Variants in PEPD observed in about 807,000 individuals in gnomAD.
PEPD encodes xaa-Pro dipeptidase.
In PEPD, 53 loss-of-function variants were observed where a neutral mutation model predicts 60.7. That is an observed-to-expected ratio of 0.87 (90% CI 0.70 to 1.10). PEPD has a LOEUF of 1.10. Ranked by LOEUF, PEPD falls within the 50% of genes least tolerant of loss-of-function variation. The pLI, the probability that PEPD is intolerant of heterozygous loss-of-function variation, is 0.00. For synonymous variants in PEPD, 267 were observed against 284.1 expected (o/e 0.94, Z 0.60); for missense variants, 711 against 711.9 (o/e 1.00, Z 0.01).
At chr19:33,414,987 G>A (rs534013856) in intron 9 of PEPD, among the ~76,000 whole-genome samples, 2 of 152,300 alleles carry the variant, frequency 1.3e-5, no homozygotes, top group African/African-American at 2.4e-5. Flanking sequence ...GAGTCTCAGC[G>A]CTGAGTTTCG....
chr19:33,495,200 C>T lies in PEPD; in HGVS notation c.394-1863G>A, dbSNP rs549194576. On this transcript the variant is annotated intron_variant, in intron 4 of 14. Coordinates refer to ENST00000244137, the MANE Select transcript of PEPD (RefSeq NM_000285.4). ...ACGCTGTGATGAACATCCTCGCATA[C>T]AAGTATTTCCTTAAAATTAAATGCC... Among the ~76,000 whole-genome samples, 20 of 152,056 alleles carry T rather than the reference C, an allele frequency of 1.3e-4. No individual in the cohort carries two copies. The East Asian group carries it at 3.9e-3, about 30-fold the overall frequency.
intron 2 of PEPD, 69 bp from the exon 3 acceptor site, chr19:33,511,224 T>C: frequency 1.3e-6 from 2 of 1,556,866 alleles, no homozygotes; most frequent in Admixed American, 1.7e-5. Context: ...GGTGGCTGCA[T>C]CACAGCACCC....
rs201992066 is a variant in PEPD, at chr19:33,512,760, C to T, written c.34G>A (p.Gly12Arg). The T allele has an allele frequency of 3.6e-4, 589 of 1,614,088 alleles. 2 individuals carry two copies. Among genetic ancestry groups the T allele is most frequent in the Admixed American group, 2.5e-3 (153 of 60,028 alleles). ...AAATGPSFWL[G>R]NETLKVPLAL... ...AGCGGCACCTTCAGGGTTTCATTCC[C>T]CAGCCAAAACGAGGGTCTGCAGAGG... Residue 12 changes from glycine to arginine, a missense_variant, in exon 2 of 15, where the codon GGG becomes AGG. Coordinates refer to ENST00000244137, the MANE Select transcript of PEPD (RefSeq NM_000285.4).
At chr19:33,520,498 C>T (rs535049357) in intron 1 of PEPD, among the ~76,000 whole-genome samples, 1 of 152,330 alleles carries the variant, frequency 6.6e-6, no homozygotes, top group East Asian at 1.9e-4. Context: ...CAAGACCACA[C>T]GGCAAGCAGA....
chr19:33,516,878 A>G (rs1971032351), intron 1 of PEPD, among the ~76,000 whole-genome samples: 1 of 152,206 alleles, frequency 6.6e-6, no homozygotes, highest in South Asian at 2.1e-4. Context: ...CCAGTATCTC[A>G]AAATATCACT....
intron 7 of PEPD, among the ~76,000 whole-genome samples, chr19:33,476,361 C>T (rs1442888441): frequency 2.0e-5 from 3 of 152,210 alleles, no homozygotes; most frequent in African/African-American, 7.2e-5. Context: ...AGACTCAACA[C>T]ACCCCAAGTC....
At chr19:33,474,600 C>T (rs1378675751) in intron 7 of PEPD, among the ~76,000 whole-genome samples, 1 of 152,100 alleles carries the variant, frequency 6.6e-6, no homozygotes, top group Non-Finnish European at 1.5e-5. Context: ...ACAAGAATCA[C>T]GTGAACCCGG....
At chr19:33,478,725 C>T (rs1970265917) in intron 6 of PEPD, among the ~76,000 whole-genome samples, 1 of 150,902 alleles carries the variant, frequency 6.6e-6, no homozygotes, top group Non-Finnish European at 1.5e-5. Context: ...TCCAGCAAAG[C>T]CATTATTAAT....
chr19:33,511,098 C>A lies in PEPD; in HGVS notation c.259G>T (p.Asp87Tyr). Reference protein sequence around the residue: ...VTEPGCYGVIDVDTGKSTLFV... With the variant: ...VTEPGCYGVIYVDTGKSTLFV... Reference sequence around the variant, plus strand: ...AGGGTCGACTTCCCAGTGTCAACATCGATGACACCATAGCAGCCTGGCTCA... The same window carrying A: ...AGGGTCGACTTCCCAGTGTCAACATAGATGACACCATAGCAGCCTGGCTCA... The change falls in exon 3 of 15, where the codon GAT becomes TAT. Residue 87 changes from aspartate to tyrosine, a missense_variant. Physicochemically the swap from Asp to Tyr is radical, Grantham distance 160. Transcript: ENST00000244137. 6.2e-7 allele frequency: 1 copy of A among 1,612,982 alleles called. No individual in the cohort carries two copies. The highest frequency in any genetic ancestry group is 8.5e-7 in the Non-Finnish European group (1 of 1,178,974).
intron 9 of PEPD, among the ~76,000 whole-genome samples, chr19:33,424,026 G>C (rs747179366): frequency 6.6e-6 from 1 of 152,190 alleles, no homozygotes. Context: ...TTGTGCGCTG[G>C]CTTGGAGCAC....
rs755261014 is a variant in PEPD, at chr19:33,463,009, T to C, written c.657A>G (p.Glu219=). 3 of 1,599,720 alleles carry C rather than the reference T, an allele frequency of 1.9e-6. No homozygotes were observed. The highest frequency in any genetic ancestry group is 2.6e-6 in the Non-Finnish European group (3 of 1,166,838). The change falls in exon 9 of 15, where the codon GAA becomes GAG. Residue 219 remains glutamate (E), a synonymous_variant. Transcript: ENST00000244137. ...TGGTGGCTTACCTTTCCAACTCATA[T>C]TCTTTCATTCCCACTTTTACAGCCT... The part of the protein sequence containing the change: ...VMKAVKVGMK[E]YELESLFEHY...
At chr19:33,399,453 C>T (rs1264669659) in intron 12 of PEPD, among the ~76,000 whole-genome samples, 7 of 152,186 alleles carry the variant, frequency 4.6e-5, no homozygotes, top group African/African-American at 1.2e-4. Flanking sequence ...TGCACTCATG[C>T]GTTTGTCAAG....
intron 12 of PEPD, among the ~76,000 whole-genome samples, chr19:33,394,115 C>T (rs1478019572): frequency 1.3e-5 from 2 of 152,232 alleles, no homozygotes; most frequent in African/African-American, 4.8e-5. Context: ...AAGTGAGTGC[C>T]CCTCAGGTCT....
intron 1 of PEPD, among the ~76,000 whole-genome samples, chr19:33,520,865 A>G (rs1160644535): frequency 6.6e-6 from 1 of 152,260 alleles, no homozygotes; most frequent in East Asian, 1.9e-4. Flanking sequence ...AATCTTTAAA[A>G]AACAGATCAA....
At chr19:33,453,476 C>T (rs533908673) in intron 9 of PEPD, among the ~76,000 whole-genome samples, 4 of 152,202 alleles carry the variant, frequency 2.6e-5, no homozygotes, top group Non-Finnish European at 5.9e-5. Flanking sequence ...GGCAACCCTG[C>T]GTTTAGCAAG....
Position 33,401,742 on chromosome 19 carries a change from C to A in PEPD, c.946G>T (p.Val316Phe), listed in dbSNP as rs370219399. 1.9e-6 allele frequency: 3 copies of A among 1,608,562 alleles called. No individual in the cohort carries two copies. Among genetic ancestry groups the A allele is most frequent in the African/African-American group, 1.3e-5 (1 of 74,896 alleles). The change falls in exon 12 of 15, where the codon GTC becomes TTC. Residue 316 changes from valine (V) to phenylalanine (F), a missense_variant. Coordinates refer to ENST00000244137, the MANE Select transcript of PEPD (RefSeq NM_000285.4). ...TCACCTGGCTTCATGGCACCCATGA[C>A]GGCACGGGAGCTCCGCAGCACTGCC... is the stretch of plus-strand genomic sequence containing the variant. ...YEAVLRSSRA[V>F]MGAMKPGVWW...
At position 33,388,191 on chromosome 19, in the gene PEPD, A is replaced by G. The variant is rs562147754; in HGVS notation, c.1153-110T>C. 9 of 918,686 alleles carry G rather than the reference A, an allele frequency of 9.8e-6. No individual in the cohort carries two copies. In the African/African-American group the frequency reaches 1.5e-4, roughly 15 times the overall value. 56.9% of individuals were successfully genotyped at this position (918,686 alleles called of 1,614,324 possible). A position where few individuals can be genotyped will look rare whatever the true frequency, so the allele number is the denominator to read the frequency against. ...GGTGCCAGTCTCGTGGGCTCTCTTG[A>G]CCATTGGGGTCCTCAGCCTAGACTC... On this transcript the variant is annotated intron_variant, in intron 13 of 14. Transcript: ENST00000244137.
chr19:33,417,310 A>T (rs1968911227), intron 9 of PEPD, among the ~76,000 whole-genome samples: 1 of 152,102 alleles, frequency 6.6e-6, no homozygotes, highest in South Asian at 2.1e-4. Context: ...GAAGCTTGGG[A>T]GTGAAAATGC....
intron 9 of PEPD, among the ~76,000 whole-genome samples, chr19:33,444,949 G>C (rs968979936): frequency 6.6e-6 from 1 of 152,162 alleles, no homozygotes; most frequent in Non-Finnish European, 1.5e-5. Flanking sequence ...TGGGATGTTG[G>C]CTGTGTGTCC....
Sources: allele counts gnomAD v4.1 joint callset (sites outside exome capture counted in the v4.1 genomes callset), GRCh38; gene constraint gnomAD v4.1.1; transcripts MANE v1.5; gene names NCBI Gene and HGNC (gene_info 2026-07-23, HGNC 2026-07-21).